The following GTF3C2 variants were observed in gnomAD, a reference collection of about 807,000 sequenced individuals.
GTF3C2 encodes general transcription factor 3C polypeptide 2.
Under a neutral mutation model 117.4 loss-of-function variants are expected in GTF3C2, and 17 were observed. The ratio of observed to expected loss-of-function variants is 0.14; its 90% confidence interval spans 0.10 to 0.22. The LOEUF (loss-of-function observed/expected upper bound fraction) is 0.22, where lower values mean the gene tolerates loss of function less well. Among genes scored for constraint, GTF3C2 ranks in the 10% least tolerant of loss-of-function variants. The probability of loss-of-function intolerance (pLI) is 1.00; values close to 1 mark genes in which losing one functional copy is unlikely to be tolerated. For missense variants in GTF3C2, 888 were observed against 1,143.6 expected (o/e 0.78, Z 3.22); for synonymous variants, 437 against 427.0 (o/e 1.02, Z -0.29).
exon 18 of GTF3C2, chr2:27,327,200 G>A: frequency 3.1e-6 from 5 of 1,594,414 alleles, no homozygotes; most frequent in Non-Finnish European, 4.3e-6. Context: ...TCCAGCTGCA[G>A]CCTGTCCAGG....
At chr2:27,343,692 T>A (rs1477592218) in intron 1 of GTF3C2, 114 bp from the exon 2 acceptor site, 1 of 793,894 alleles carries the variant, frequency 1.3e-6, no homozygotes, top group Non-Finnish European at 2.0e-6. Flanking sequence ...AGTTCCCTGA[T>A]TATTCACTTA....
At chr2:27,335,112 A>G (rs1680412684) in intron 10 of GTF3C2, among the ~76,000 whole-genome samples, 1 of 152,110 alleles carries the variant, frequency 6.6e-6, no homozygotes, top group African/African-American at 2.4e-5. Flanking sequence ...AATAAATTCA[A>G]CATATAGGAG....
chr2:27,334,023 T>C, intron 10 of GTF3C2, 24 bp from the exon 11 acceptor site: 1 of 1,594,630 alleles, frequency 6.3e-7, no homozygotes, highest in Non-Finnish European at 8.6e-7. Context: ...GAGCAGGAAC[T>C]AACTCTATGG....
intron 4 of GTF3C2, chr2:27,340,797 T>A (rs1039757699): frequency 6.6e-5 from 10 of 151,836 alleles, no homozygotes; most frequent in African/African-American, 2.2e-4. Flanking sequence ...ATTTTTTTTT[T>A]TTTTATTTTT....
At chr2:27,350,810 G>A (rs1019036979) in intron 1 of GTF3C2, among the ~76,000 whole-genome samples, 10 of 151,986 alleles carry the variant, frequency 6.6e-5, no homozygotes, top group African/African-American at 2.2e-4. Flanking sequence ...TTAGCCAGGC[G>A]TGGTGGAATA....
At chr2:27,345,103 G>C (rs1448158224) in intron 1 of GTF3C2, among the ~76,000 whole-genome samples, 2 of 147,742 alleles carry the variant, frequency 1.4e-5, no homozygotes, top group Non-Finnish European at 3.0e-5. Context: ...GGGCAACAGA[G>C]TGAGACTCCT....
intron 1 of GTF3C2, among the ~76,000 whole-genome samples, chr2:27,348,717 T>C (rs1681007200): frequency 1.3e-5 from 2 of 152,058 alleles, no homozygotes; most frequent in African/African-American, 4.8e-5. Context: ...GGCACGAGAA[T>C]CACTTGAGCC....
At chr2:27,335,738 G>T in intron 9 of GTF3C2, 32 bp from the exon 10 acceptor site, 1 of 1,392,332 alleles carries the variant, frequency 7.2e-7, no homozygotes, top group East Asian at 2.5e-5. Context: ...GAGGCTTGCT[G>T]CCTTCAGCTG....
intron 1 of GTF3C2, among the ~76,000 whole-genome samples, chr2:27,351,617 A>G (rs1022821275): frequency 1.3e-5 from 2 of 152,164 alleles, no homozygotes; most frequent in African/African-American, 4.8e-5. Flanking sequence ...CAGCAAATAC[A>G]TGCCTCCTAG....
intron 1 of GTF3C2, among the ~76,000 whole-genome samples, chr2:27,350,040 G>A (rs747589739): frequency 2.0e-5 from 3 of 152,090 alleles, no homozygotes; most frequent in Admixed American, 1.3e-4. Context: ...AAGATACAAA[G>A]CAAAATGTTC....
chr2:27,326,594 GC>G (rs879013313), exon 19 of GTF3C2: 15 of 1,022,716 alleles, frequency 1.5e-5, no homozygotes, highest in South Asian at 2.7e-5. Flanking sequence ...TCCAGGGAAG[GC>G]CCCCAGTTCC....
chr2:27,327,384 G>T, intron 17 of GTF3C2, 100 bp from the exon 18 acceptor site: 1 of 575,428 alleles, frequency 1.7e-6, no homozygotes, highest in Middle Eastern at 4.5e-4. Flanking sequence ...GTGCAGTGGC[G>T]CGATCTTGGC....
rs1251557677 is a variant in GTF3C2 at position 27,337,495 on chromosome 2, G to A, written c.1014C>T (p.His338=). The change falls in exon 6 of 19, where the codon CAC becomes CAT. Residue 338 remains histidine, a synonymous_variant. Coordinates refer to ENST00000264720, the Ensembl canonical transcript of GTF3C2. ...CTTCAACTTACAGCTCAGATAACAA[G>A]TGCCACTTCCAGGCTAAAGGAATCC... 5 of 1,609,542 alleles carry A rather than the reference G, an allele frequency of 3.1e-6. No individual in the cohort carries two copies. The African/African-American group carries it at 4.0e-5, about 13-fold the overall frequency.
chr2:27,348,137 G>A (rs1052100653), intron 1 of GTF3C2, among the ~76,000 whole-genome samples: 30 of 152,076 alleles, frequency 2.0e-4, no homozygotes, highest in Admixed American at 1.1e-3. Context: ...GTGTGGTGCC[G>A]CGTGCCTTAA....
intron 1 of GTF3C2, among the ~76,000 whole-genome samples, chr2:27,353,086 T>A (rs1356379565): frequency 1.3e-5 from 2 of 152,138 alleles, no homozygotes; most frequent in Admixed American, 1.3e-4. Context: ...TTACTTCATA[T>A]AAAATACTAT....
chr2:27,346,330 C>CTTTTTTTTTT (rs144256545), intron 1 of GTF3C2, among the ~76,000 whole-genome samples: 1 of 64,354 alleles, frequency 1.6e-5, no homozygotes, highest in Non-Finnish European at 2.9e-5. Context: ...ATTCTGATAC[C>CTTTTTTTTTT]TTTTTTTTTT....
At chr2:27,326,944 G>C (rs1680095164) in intron 18 of GTF3C2, 51 bp from the exon 19 acceptor site, 2 of 1,223,746 alleles carry the variant, frequency 1.6e-6, no homozygotes, top group South Asian at 2.5e-5. Context: ...TGGTGCTTTA[G>C]GGTGACTCCT....
In GTF3C2 at chr2:27,346,330, C is replaced by CTTTTTT. The variant is rs144256545; in HGVS notation, c.-24-2758_-24-2753dup. 1.7e-4 allele frequency among the ~76,000 whole-genome samples: 11 copies of CTTTTTT among 64,354 alleles called. 2 individuals carry two copies. The highest frequency in any genetic ancestry group is 3.0e-4 in the African/African-American group (5 of 16,814). The allele number at this position is 64,354 out of a possible 152,430, so 42.2% of individuals were successfully genotyped here. A position where few individuals can be genotyped will look rare whatever the true frequency, so the allele number is the denominator to read the frequency against. ...TTAGCCACCGTGCCCATTCTGATAC[C>CTTTTTT]TTTTTTTTTTTTTTTTTTTTTTTTT... On this transcript the variant is annotated intron_variant, in intron 1 of 18. Transcript: ENST00000264720.
At chr2:27,336,837 T>C in intron 7 of GTF3C2, 1 of 217,994 alleles carries the variant, frequency 4.6e-6, no homozygotes, top group Non-Finnish European at 9.2e-6. Context: ...CTTGAACTCG[T>C]GGGCTCAAGT....
Sources: gnomAD v4.1 joint callset for allele counts (sites outside exome capture counted in the v4.1 genomes callset) on GRCh38, gnomAD v4.1.1 for gene constraint, MANE v1.5 for transcripts, NCBI Gene and HGNC (gene_info 2026-07-23, HGNC 2026-07-21) for gene names.